Variants in PCDH9 observed in about 807,000 individuals in gnomAD.
PCDH9 encodes the protein protocadherin 9.
PCDH9 carries 24 observed loss-of-function variants against 70.6 expected under a neutral mutation model. That is an observed-to-expected ratio of 0.34 (90% CI 0.25 to 0.48). The LOEUF (loss-of-function observed/expected upper bound fraction) is 0.48, where lower values mean the gene tolerates loss of function less well. Ranked by LOEUF, PCDH9 falls within the 20% of genes least tolerant of loss-of-function variation. The pLI is 0.99. For synonymous variants in PCDH9, 562 were observed against 558.5 expected (o/e 1.01, Z -0.09); for missense variants, 1,281 against 1,503.6 (o/e 0.85, Z 2.45).
At chr13:66,368,957 C>A (rs143125591) in intron 4 of PCDH9, among the ~76,000 whole-genome samples, 2 of 152,064 alleles carry the variant, frequency 1.3e-5, no homozygotes, top group Admixed American at 6.6e-5. Flanking sequence ...ACCCCCACAC[C>A]GGGTTCCTCC....
chr13:66,351,926 G>T (rs1956298905), intron 4 of PCDH9, among the ~76,000 whole-genome samples: 1 of 149,504 alleles, frequency 6.7e-6, no homozygotes. Flanking sequence ...TGCAACCTCT[G>T]CCTCCCACGT....
chr13:66,855,389 A>G (rs987149819), intron 3 of PCDH9, among the ~76,000 whole-genome samples: 3 of 152,042 alleles, frequency 2.0e-5, no homozygotes, highest in African/African-American at 7.2e-5. Context: ...GTCTTGATTG[A>G]TTGTTTCCTT....
chr13:67,222,172 T>C (rs1210575457), intron 2 of PCDH9: 3 of 151,944 alleles, frequency 2.0e-5, no homozygotes, highest in Non-Finnish European at 4.4e-5. Context: ...AATTTTATCA[T>C]TTAAAGCCTT....
intron 4 of PCDH9, among the ~76,000 whole-genome samples, chr13:66,487,390 T>C (rs1161895440): frequency 6.6e-6 from 1 of 152,198 alleles, no homozygotes; most frequent in South Asian, 2.1e-4. Context: ...TAGGGAGGCT[T>C]AATTTATAGA....
intron 2 of PCDH9, among the ~76,000 whole-genome samples, chr13:67,015,688 A>G (rs574127050): frequency 3.7e-4 from 57 of 152,202 alleles, no homozygotes; most frequent in Non-Finnish European, 6.3e-4. Flanking sequence ...TTCTCTCAAC[A>G]GCATTCAACA....
intron 3 of PCDH9, among the ~76,000 whole-genome samples, chr13:66,835,935 A>C (rs2081010709): frequency 6.6e-6 from 1 of 152,206 alleles, no homozygotes; most frequent in Admixed American, 6.5e-5. Flanking sequence ...TTGAGATAAA[A>C]GTTAAAAATC....
chr13:66,977,155 A>G (rs1004349958), intron 2 of PCDH9, among the ~76,000 whole-genome samples: 2 of 152,058 alleles, frequency 1.3e-5, no homozygotes, highest in African/African-American at 4.8e-5. Context: ...AATAAATAAT[A>G]TTTTGCTCTT....
intron 3 of PCDH9, among the ~76,000 whole-genome samples, chr13:66,832,475 A>G (rs1394734353): frequency 1.3e-5 from 2 of 152,146 alleles, no homozygotes; most frequent in Non-Finnish European, 2.9e-5. Flanking sequence ...AAATCTCTAC[A>G]AAATATGAAT....
Position 67,066,303 on chromosome 13 carries a change from G to A in PCDH9, c.3036+159102C>T, listed in dbSNP as rs537469910. Among the ~76,000 whole-genome samples, 416 of 151,848 alleles carry A rather than the reference G, an allele frequency of 2.7e-3. 3 individuals are homozygous for A. Among genetic ancestry groups the A allele is most frequent in the African/African-American group, 9.4e-3 (390 of 41,424 alleles). ...GGCTGGAGTGCAATGGCACCATCTC[G>A]GCTCACTGCAACCTCTGTCTCCCGG... On this transcript the variant is annotated intron_variant, in intron 2 of 4. Transcript: ENST00000377865.
chr13:66,471,369 C>T (rs1958616001), intron 4 of PCDH9, among the ~76,000 whole-genome samples: 1 of 152,124 alleles, frequency 6.6e-6, no homozygotes, highest in African/African-American at 2.4e-5. Context: ...TTTAATTGAT[C>T]TTACAGAGCT....
intron 4 of PCDH9, among the ~76,000 whole-genome samples, chr13:66,342,649 GTC>G (rs1262230046): frequency 6.6e-6 from 1 of 151,960 alleles, no homozygotes; most frequent in African/African-American, 2.4e-5. Context: ...TTGAGACGGA[GTC>G]TCTCTCTGTC....
At chr13:66,549,538 T>TAAA (rs904973337) in intron 4 of PCDH9, among the ~76,000 whole-genome samples, 2 of 151,680 alleles carry the variant, frequency 1.3e-5, no homozygotes, top group African/African-American at 4.8e-5. Context: ...TATTTTTTTT[T>TAAA]AAAAAAAGGT....
At chr13:67,099,479 C>T (rs1481839303) in intron 2 of PCDH9, among the ~76,000 whole-genome samples, 1 of 152,068 alleles carries the variant, frequency 6.6e-6, no homozygotes, top group African/African-American at 2.4e-5. Flanking sequence ...GGGAGTGTAC[C>T]ACAGTCAATA....
chr13:66,442,477 G>C (rs988773501), intron 4 of PCDH9, among the ~76,000 whole-genome samples: 4 of 152,070 alleles, frequency 2.6e-5, no homozygotes, highest in African/African-American at 7.2e-5. Flanking sequence ...TCGAGTCATG[G>C]AGTAGCATTC....
intron 2 of PCDH9, among the ~76,000 whole-genome samples, chr13:67,170,784 G>A (rs1246611279): frequency 6.6e-6 from 1 of 152,042 alleles, no homozygotes; most frequent in Non-Finnish European, 1.5e-5. Context: ...AATTAGCTGG[G>A]CCTGGTGGTG....
chr13:66,382,900 C>T (rs1439863817), intron 4 of PCDH9, among the ~76,000 whole-genome samples: 2 of 152,042 alleles, frequency 1.3e-5, no homozygotes, highest in African/African-American at 2.4e-5. Flanking sequence ...GGCGTGGTGG[C>T]GCATGTCTGT....
chr13:67,057,422 A>G (rs1461324427), intron 2 of PCDH9, among the ~76,000 whole-genome samples: 4 of 152,222 alleles, frequency 2.6e-5, no homozygotes, highest in Admixed American at 6.5e-5. Context: ...GTGGAAGGAT[A>G]ACGCGCCTCG....
chr13:66,971,535 C>T (rs1323921), intron 2 of PCDH9, among the ~76,000 whole-genome samples: 150,702 of 152,132 alleles, frequency 0.99, 74,655 homozygotes, highest in East Asian at 1. Context: ...TCTGATTATT[C>T]GATTTATATT....
At chr13:66,525,662 T>G (rs1202913304) in intron 4 of PCDH9, among the ~76,000 whole-genome samples, 1 of 152,178 alleles carries the variant, frequency 6.6e-6, no homozygotes, top group East Asian at 1.9e-4. Flanking sequence ...CTACATTGAA[T>G]GTCTCCAACT....
Sources: gnomAD v4.1 joint callset for allele counts (sites outside exome capture counted in the v4.1 genomes callset) on GRCh38, gnomAD v4.1.1 for gene constraint, MANE v1.5 for transcripts, NCBI Gene and HGNC (gene_info 2026-07-23, HGNC 2026-07-21) for gene names.